The following CSMD3 variants were observed in gnomAD, a reference collection of about 807,000 sequenced individuals.
The protein encoded by CSMD3 is CUB and Sushi multiple domains 3, also known as CUB and sushi domain-containing protein 3.
CSMD3 carries 177 observed loss-of-function variants against 435.2 expected under a neutral mutation model. The observed-to-expected ratio is 0.41, with a 90% CI of 0.36 to 0.46. CSMD3 has a LOEUF of 0.46. CSMD3 is among the 20% of genes least tolerant of loss of function. CSMD3 has a pLI of 0.34. For missense variants in CSMD3, 4,265 were observed against 4,504.6 expected, an observed-to-expected ratio of 0.95 and a Z score of 1.52; for synonymous variants, 1,656 against 1,520.5, an observed-to-expected ratio of 1.09 and a Z score of -2.07.
chr8:112,457,553 T>A (rs138379473), intron 32 of CSMD3, among the ~76,000 whole-genome samples: 9 of 152,086 alleles, frequency 5.9e-5, no homozygotes, highest in Non-Finnish European at 1.3e-4. Context: ...CAAATTTAAA[T>A]GTTCAAGAAA....
intron 38 of CSMD3, among the ~76,000 whole-genome samples, chr8:112,370,348 C>T (rs977869616): frequency 1.3e-5 from 2 of 152,214 alleles, no homozygotes; most frequent in South Asian, 2.1e-4. Flanking sequence ...ATGCTAATTA[C>T]AATTATTACC....
intron 30 of CSMD3, among the ~76,000 whole-genome samples, chr8:112,494,503 C>G (rs1472958975): frequency 1.8e-4 from 5 of 28,068 alleles, no homozygotes; most frequent in African/African-American, 1.1e-4. Context: ...TCCTTTCTTT[C>G]TTTCTTTCTT....
chr8:112,852,392 A>G (rs1199366633), intron 11 of CSMD3, among the ~76,000 whole-genome samples: 4 of 152,116 alleles, frequency 2.6e-5, no homozygotes, highest in African/African-American at 4.8e-5. Context: ...GGAGTCAATG[A>G]TATAGTAAGA....
intron 30 of CSMD3, among the ~76,000 whole-genome samples, chr8:112,495,127 G>T (rs974759125): frequency 2.6e-5 from 4 of 152,130 alleles, no homozygotes; most frequent in Non-Finnish European, 4.4e-5. Flanking sequence ...TGCAAGGGTT[G>T]ATTTGTTTAT....
At chr8:112,682,774 A>G in intron 15 of CSMD3, 138 bp from the exon 16 acceptor site, 2 of 694,616 alleles carry the variant, frequency 2.9e-6, no homozygotes, top group Non-Finnish European at 2.5e-6. Flanking sequence ...GTTTTTATTT[A>G]TTTACTTTAA....
rs1323355045 is a variant in CSMD3 at position 112,255,378 on chromosome 8, G to A, written c.9912C>T (p.Gly3304=). 6.2e-7 allele frequency: 1 copy of A among 1,613,630 alleles called. No homozygotes were observed. Among genetic ancestry groups the A allele is most frequent in the South Asian group, 1.1e-5 (1 of 91,064 alleles). ...PGIPAQGKRE[G]KSFIYQSEVS... is the part of the protein sequence containing the mutation. Reference sequence around the variant, plus strand: ...CCTCTGACTGGTATATAAAGCTTTTGCCTTCTCTTTTTCCTTGGGCAGGTA... The same window carrying A: ...CCTCTGACTGGTATATAAAGCTTTTACCTTCTCTTTTTCCTTGGGCAGGTA... Residue 3304 remains glycine (G), a synonymous_variant, in exon 62 of 71, where the codon GGC becomes GGT. Coordinates refer to ENST00000297405, the MANE Select transcript of CSMD3 (RefSeq NM_198123.2).
rs769337797 is a variant in CSMD3 at position 112,224,812 on chromosome 8, G to T, written c.11083C>A (p.Arg3695=). ...NAKSVEGKAV[R]FDPNLNTVCT... ...ACCGTGTTCAAGTTGGGATCAAATCGTACCGCCTTCCCTTCCACTGACTTT... is the reference window on the plus strand; with the variant it reads ...ACCGTGTTCAAGTTGGGATCAAATCTTACCGCCTTCCCTTCCACTGACTTT... Residue 3695 remains arginine (R), a synonymous_variant, in exon 71 of 71, where the codon CGA becomes AGA. Transcript: ENST00000297405. 4 of 1,613,876 alleles carry T rather than the reference G, an allele frequency of 2.5e-6. No homozygotes were observed. The highest frequency in any genetic ancestry group is 2.5e-6 in the Non-Finnish European group (3 of 1,179,920).
chr8:113,138,526 G>A (rs544572103), intron 4 of CSMD3, among the ~76,000 whole-genome samples: 23 of 151,434 alleles, frequency 1.5e-4, no homozygotes, highest in African/African-American at 5.6e-4. Context: ...TAATAATGAA[G>A]ATGATTTGAA....
intron 1 of CSMD3, among the ~76,000 whole-genome samples, chr8:113,364,245 T>A (rs5022537): frequency 0.73 from 104,574 of 143,256 alleles, 37,533 homozygotes; most frequent in East Asian, 0.84. Context: ...TTAGACTAAA[T>A]TTTTTTTTTT....
At chr8:112,775,793 CT>C (rs2078231185) in intron 13 of CSMD3, among the ~76,000 whole-genome samples, 2 of 151,956 alleles carry the variant, frequency 1.3e-5, no homozygotes, top group East Asian at 3.9e-4. Flanking sequence ...TGTGTTTTAA[CT>C]ATCTTCCATC....
intron 1 of CSMD3, among the ~76,000 whole-genome samples, chr8:113,357,393 G>A (rs1380725268): frequency 6.6e-6 from 1 of 152,164 alleles, no homozygotes; most frequent in Non-Finnish European, 1.5e-5. Flanking sequence ...TAAACCAGTT[G>A]CTGCACAGTA....
At chr8:112,938,726 T>C (rs1252282543) in intron 9 of CSMD3, among the ~76,000 whole-genome samples, 1 of 152,140 alleles carries the variant, frequency 6.6e-6, no homozygotes. Flanking sequence ...TGGCATTCTG[T>C]AATGAAATAT....
chr8:113,309,468 G>C (rs1461796481), intron 2 of CSMD3: 1 of 152,140 alleles, frequency 6.6e-6, no homozygotes, highest in African/African-American at 2.4e-5. Flanking sequence ...TCACTTATAA[G>C]TGAGAACATG....
At chr8:113,366,166 C>T (rs1488199175) in intron 1 of CSMD3, among the ~76,000 whole-genome samples, 1 of 151,766 alleles carries the variant, frequency 6.6e-6, no homozygotes, top group Non-Finnish European at 1.5e-5. Context: ...CCTTGCTGCC[C>T]CAGGTTTTAT....
intron 1 of CSMD3, among the ~76,000 whole-genome samples, chr8:113,407,336 T>A (rs1405517871): frequency 6.6e-6 from 1 of 152,198 alleles, no homozygotes; most frequent in Non-Finnish European, 1.5e-5. Flanking sequence ...TCTTTTGAAC[T>A]GTACTTCACT....
At chr8:112,318,086 CAT>C (rs1822640478) in intron 47 of CSMD3, among the ~76,000 whole-genome samples, 1 of 152,026 alleles carries the variant, frequency 6.6e-6, no homozygotes, top group African/African-American at 2.4e-5. Context: ...GCTCTTGTAA[CAT>C]AGCGAATCCT....
intron 5 of CSMD3, among the ~76,000 whole-genome samples, chr8:113,042,366 A>G (rs185908859): frequency 8.5e-5 from 13 of 152,272 alleles, no homozygotes; most frequent in Admixed American, 2.6e-4. Flanking sequence ...GATTAATACT[A>G]TGTCTTTGCA....
At chr8:113,396,194 C>T (rs955131487) in intron 1 of CSMD3, among the ~76,000 whole-genome samples, 1 of 152,046 alleles carries the variant, frequency 6.6e-6, no homozygotes, top group Non-Finnish European at 1.5e-5. Context: ...AAATATGATT[C>T]CCATTGGGGA....
At chr8:113,080,958 A>G (rs2089539871) in intron 5 of CSMD3, among the ~76,000 whole-genome samples, 1 of 152,222 alleles carries the variant, frequency 6.6e-6, no homozygotes, top group African/African-American at 2.4e-5. Flanking sequence ...AGAATTGGAA[A>G]TTTAAATTTT....
Sources: gnomAD v4.1 joint callset for allele counts (sites outside exome capture counted in the v4.1 genomes callset) on GRCh38, gnomAD v4.1.1 for gene constraint, MANE v1.5 for transcripts, NCBI Gene and HGNC (gene_info 2026-07-23, HGNC 2026-07-21) for gene names.